EML4: variants seen among roughly 807,000 people sequenced by gnomAD.
EML4 encodes the protein echinoderm microtubule-associated protein-like 4.
Under a neutral mutation model 129.0 loss-of-function variants are expected in EML4, and 72 were observed. That is an observed-to-expected ratio of 0.56 (90% CI 0.46 to 0.68). The LOEUF (loss-of-function observed/expected upper bound fraction) is 0.68, where lower values mean the gene tolerates loss of function less well. Among genes scored for constraint, EML4 ranks in the 30% least tolerant of loss-of-function variants. The probability of loss-of-function intolerance (pLI) is 0.00; values close to 1 mark genes in which losing one functional copy is unlikely to be tolerated. For missense variants in EML4, 1,363 were observed against 1,190.6 expected (o/e 1.14, Z -2.13); for synonymous variants, 532 against 405.0 (o/e 1.31, Z -3.77).
At chr2:42,246,337 T>G (rs543685065) in intron 2 of EML4, among the ~76,000 whole-genome samples, 1 of 152,188 alleles carries the variant, frequency 6.6e-6, no homozygotes, top group African/African-American at 2.4e-5. Context: ...TTTGAACATA[T>G]CATTTGATGT....
At chr2:42,264,679 A>G in intron 5 of EML4, 27 bp from the exon 6 acceptor site, 1 of 1,289,694 alleles carries the variant, frequency 7.8e-7, no homozygotes, top group South Asian at 1.3e-5. Context: ...TTATAAAATA[A>G]ATGTGTTTCT....
chr2:42,210,596 G>A (rs1672833267), intron 1 of EML4, among the ~76,000 whole-genome samples: 2 of 152,158 alleles, frequency 1.3e-5, no homozygotes, highest in Admixed American at 1.3e-4. Context: ...CTTGAAGACA[G>A]TATATTTACA....
At position 42,329,893 on chromosome 2, in the gene EML4, G is replaced by C. The variant is rs754133469; in HGVS notation, c.2632G>C (p.Asp878His). 1.2e-6 allele frequency: 2 copies of C among 1,614,026 alleles called. No individual in the cohort carries two copies. Among genetic ancestry groups the C allele is most frequent in the Admixed American group, 1.7e-5 (1 of 59,982 alleles). The stretch of plus-strand genomic sequence containing the variant: ...TTTGCCTCAGAATGAGACTGTAGCG[G>C]ATACTACTCTAACCAAAGCCCCCGT... ...LSLPQNETVA[D>H]TTLTKAPVSS... is the part of the protein sequence containing the mutation. Residue 878 changes from aspartate (D) to histidine (H), a missense_variant, in exon 23 of 23, where the codon GAT becomes CAT. Asp to His is a moderately conservative substitution (Grantham distance 81). Transcript: ENST00000318522.
chr2:42,325,428 C>A, intron 19 of EML4, 39 bp from the exon 20 acceptor site: 3 of 947,818 alleles, frequency 3.2e-6, no homozygotes, highest in Non-Finnish European at 5.1e-6. Flanking sequence ...TCATTCAGAA[C>A]TCTAAATGCT....
chr2:42,248,887 G>GT (rs1482784654), intron 2 of EML4, among the ~76,000 whole-genome samples: 1 of 152,034 alleles, frequency 6.6e-6, no homozygotes, highest in African/African-American at 2.4e-5. Context: ...GTTAATTACT[G>GT]TATTTTCCTT....
intron 18 of EML4, 21 bp from the exon 19 acceptor site, chr2:42,317,406 C>G (rs750413174): frequency 1.4e-6 from 2 of 1,451,772 alleles, no homozygotes; most frequent in South Asian, 2.3e-5. Flanking sequence ...CTCTAGTCAA[C>G]ACTGACCTAT....
rs1240047665 is a variant in EML4 at position 42,326,135 on chromosome 2, C to T, written c.2243-19C>T. ...GTACACAAGCACTATGATTATACTT[C>T]CTGTTTCTAAATTTAAAGGGGACAT... is the stretch of plus-strand genomic sequence containing the variant. On this transcript the variant is annotated intron_variant, in intron 20 of 22. Coordinates refer to ENST00000318522, the MANE Select transcript of EML4 (RefSeq NM_019063.5). The T allele has an allele frequency of 2.5e-6, 4 of 1,610,976 alleles. No homozygotes were observed. The highest frequency in any genetic ancestry group is 1.3e-5 in the African/African-American group (1 of 74,894).
intron 1 of EML4, among the ~76,000 whole-genome samples, chr2:42,243,706 C>G (rs1675185785): frequency 2.6e-5 from 4 of 152,098 alleles, no homozygotes; most frequent in Admixed American, 2.0e-4. Flanking sequence ...GAAGAGAGTA[C>G]ATGTGTATGC....
intron 6 of EML4, among the ~76,000 whole-genome samples, chr2:42,267,884 G>C (rs1666152043): frequency 6.6e-6 from 1 of 152,138 alleles, no homozygotes; most frequent in African/African-American, 2.4e-5. Flanking sequence ...CTTAAAATTT[G>C]AATAAGTTCC....
intron 1 of EML4, among the ~76,000 whole-genome samples, chr2:42,244,101 G>GTTTT (rs147426155): frequency 0.034 from 2,773 of 81,084 alleles, 58 homozygotes; most frequent in Non-Finnish European, 0.058. Flanking sequence ...TTTGTTTTTT[G>GTTTT]TTTTTTTTTT....
chr2:42,326,428 T>C (rs1314496070), intron 21 of EML4, among the ~76,000 whole-genome samples, 176 bp downstream of exon 21: 2 of 152,228 alleles, frequency 1.3e-5, no homozygotes, highest in Non-Finnish European at 2.9e-5. Flanking sequence ...GATTTGTATT[T>C]TGCAGAATCA....
intron 6 of EML4, among the ~76,000 whole-genome samples, chr2:42,280,480 T>C (rs556137687): frequency 6.6e-6 from 1 of 152,258 alleles, no homozygotes; most frequent in Non-Finnish European, 1.5e-5. Context: ...AAAAATTGTC[T>C]GTTATACTGA....
chr2:42,223,041 C>A (rs189838597), intron 1 of EML4, among the ~76,000 whole-genome samples: 1 of 151,980 alleles, frequency 6.6e-6, no homozygotes, highest in Non-Finnish European at 1.5e-5. Context: ...CCTCGTGATC[C>A]GCCCTCCACC....
chr2:42,281,075 AGT>A, intron 7 of EML4, 102 bp downstream of exon 7: 1 of 922,812 alleles, frequency 1.1e-6, no homozygotes, highest in Non-Finnish European at 1.6e-6. Context: ...AAAAAAAAAA[AGT>A]AACAGCTACT....
At chr2:42,244,244 A>C (rs929887783) in intron 1 of EML4, among the ~76,000 whole-genome samples, 8 of 151,732 alleles carry the variant, frequency 5.3e-5, no homozygotes, top group Non-Finnish European at 8.8e-5. Context: ...GACTACAGGC[A>C]CACGCCACCA....
intron 2 of EML4, among the ~76,000 whole-genome samples, chr2:42,250,254 T>G (rs576036648): frequency 1.7e-4 from 26 of 152,168 alleles, no homozygotes; most frequent in Non-Finnish European, 3.2e-4. Context: ...AAGGCAAAAT[T>G]GAAATATAGG....
chr2:42,329,897 C>T lies in EML4; in HGVS notation c.2636C>T (p.Thr879Ile). 6.2e-7 allele frequency: 1 copy of T among 1,614,092 alleles called. No individual in the cohort carries two copies. Among genetic ancestry groups the T allele is most frequent in the Non-Finnish European group, 8.5e-7 (1 of 1,180,026 alleles). Residue 879 changes from threonine to isoleucine, a missense_variant, in exon 23 of 23, where the codon ACT becomes ATT. Physicochemically the swap from Thr to Ile is moderately conservative, Grantham distance 89 (BLOSUM62 -1). Transcript: ENST00000318522. Reference protein sequence around the residue: ...SLPQNETVADTTLTKAPVSST... With the variant: ...SLPQNETVADITLTKAPVSST... ...CCTCAGAATGAGACTGTAGCGGATA[C>T]TACTCTAACCAAAGCCCCCGTCTCT...
chr2:42,179,344 C>T (rs1352610305), intron 1 of EML4, among the ~76,000 whole-genome samples: 1 of 149,328 alleles, frequency 6.7e-6, no homozygotes, highest in Non-Finnish European at 1.5e-5. Flanking sequence ...GATGTGGTAA[C>T]TAAATGAACT....
intron 1 of EML4, among the ~76,000 whole-genome samples, chr2:42,206,717 C>A (rs763738987): frequency 3.9e-5 from 6 of 152,064 alleles, no homozygotes; most frequent in African/African-American, 9.7e-5. Flanking sequence ...ATTTTTGGCA[C>A]GTATAATACA....
Sources: allele counts gnomAD v4.1 joint callset (sites outside exome capture counted in the v4.1 genomes callset), GRCh38; gene constraint gnomAD v4.1.1; transcripts MANE v1.5; gene names NCBI Gene and HGNC (gene_info 2026-07-23, HGNC 2026-07-21).